ADGRV1: variants seen among roughly 807,000 people sequenced by gnomAD.
The protein encoded by ADGRV1 is adhesion G protein-coupled receptor V1.
In ADGRV1, 359 loss-of-function variants were observed where a neutral mutation model predicts 596.2. The observed-to-expected ratio is 0.60, with a 90% CI of 0.55 to 0.66. The LOEUF is 0.66. Among genes scored for constraint, ADGRV1 ranks in the 30% least tolerant of loss-of-function variants. The probability of loss-of-function intolerance (pLI) is 0.00; values close to 1 mark genes in which losing one functional copy is unlikely to be tolerated. For synonymous variants in ADGRV1, 2,681 were observed against 2,679.2 expected (o/e 1.00, Z -0.02); for missense variants, 7,274 against 7,575.6 (o/e 0.96, Z 1.48).
At position 90,815,747 on chromosome 5, in the gene ADGRV1, A is replaced by G; in HGVS notation, c.16196+11A>G. Reference sequence around the variant, plus strand: ...AAGACAGCCAAACAGGTATGTGTATATATAGTATATGGAAGACGTAACATT... The same window carrying G: ...AAGACAGCCAAACAGGTATGTGTATGTATAGTATATGGAAGACGTAACATT... On this transcript the variant is annotated intron_variant, in intron 75 of 89. Transcript: ENST00000405460. 2.3e-6 allele frequency: 3 copies of G among 1,300,234 alleles called. No individual in the cohort carries two copies. Among genetic ancestry groups the G allele is most frequent in the Non-Finnish European group, 3.3e-6 (3 of 915,834 alleles). 80.5% of individuals were successfully genotyped at this position (1,300,234 alleles called of 1,614,324 possible). A position where few individuals can be genotyped will look rare whatever the true frequency, so the allele number is the denominator to read the frequency against.
At chr5:91,060,129 A>G (rs1270936729) in intron 85 of ADGRV1, among the ~76,000 whole-genome samples, 1 of 152,156 alleles carries the variant, frequency 6.6e-6, no homozygotes, top group African/African-American at 2.4e-5. Flanking sequence ...CCTTAAAATG[A>G]TGGACATATA....
At chr5:90,957,456 C>G (rs1055721883) in intron 83 of ADGRV1, among the ~76,000 whole-genome samples, 1 of 150,778 alleles carries the variant, frequency 6.6e-6, no homozygotes, top group Non-Finnish European at 1.5e-5. Flanking sequence ...CAGAAGATGG[C>G]TTTTTAAAGA....
intron 1 of ADGRV1, among the ~76,000 whole-genome samples, chr5:90,583,656 A>G (rs1299613477): frequency 6.6e-6 from 1 of 152,150 alleles, no homozygotes; most frequent in Non-Finnish European, 1.5e-5. Context: ...GCCACAAAAA[A>G]CATCTAGGCC....
At chr5:90,753,894 A>C (rs1755542929) in intron 54 of ADGRV1, 65 bp downstream of exon 54, 2 of 1,395,290 alleles carry the variant, frequency 1.4e-6, no homozygotes, top group Non-Finnish European at 1.9e-6. Context: ...TAATTCTAAT[A>C]TTTATAAGGA....
rs572249281 is a variant in ADGRV1 at position 91,024,597 on chromosome 5, T to C, written c.18152+39075T>C. ...ATTCCTAATCCCTCAAAAATGCCCC[T>C]GATCGTAGGCATACTTCATAATGAA... On this transcript the variant is annotated intron_variant, in intron 85 of 89. Coordinates refer to ENST00000405460, the MANE Select transcript of ADGRV1 (RefSeq NM_032119.4). 2.6e-5 allele frequency among the ~76,000 whole-genome samples: 4 copies of C among 152,200 alleles called. No homozygotes were observed. In the East Asian group the frequency reaches 7.7e-4, roughly 29 times the overall value.
At chr5:90,728,539 T>C in intron 48 of ADGRV1, 130 bp from the exon 49 acceptor site, 1 of 798,638 alleles carries the variant, frequency 1.3e-6, no homozygotes, top group Admixed American at 2.4e-5. Flanking sequence ...TTTAGTATTT[T>C]CTTATTTATG....
chr5:90,910,617 C>T (rs1034153411), intron 83 of ADGRV1, among the ~76,000 whole-genome samples: 26 of 150,390 alleles, frequency 1.7e-4, no homozygotes, highest in African/African-American at 5.6e-4. Flanking sequence ...CCGCACACAC[C>T]TGTATGTATT....
intron 29 of ADGRV1, among the ~76,000 whole-genome samples, chr5:90,689,127 A>G (rs138189177): frequency 1.3e-5 from 2 of 152,266 alleles, no homozygotes; most frequent in East Asian, 3.9e-4. Flanking sequence ...ATTTAAAAAA[A>G]TAAATCATCT....
At chr5:90,786,365 G>A (rs1300872206) in intron 67 of ADGRV1, among the ~76,000 whole-genome samples, 2 of 152,178 alleles carry the variant, frequency 1.3e-5, no homozygotes, top group South Asian at 2.1e-4. Context: ...AAACCTGCAC[G>A]TTGTGCACAT....
Position 90,776,463 on chromosome 5 carries a change from A to T in ADGRV1, c.12414A>T (p.Ser4138=). Residue 4138 remains serine (S), a synonymous_variant, in exon 61 of 90, where the codon TCA becomes TCT. Coordinates refer to ENST00000405460, the MANE Select transcript of ADGRV1 (RefSeq NM_032119.4). ...TCATCTTGAATTTAGGTAGTGCATCAATAATTATTCGGGGTGATAAGCGAG... is the reference window on the plus strand; with the variant it reads ...TCATCTTGAATTTAGGTAGTGCATCTATAATTATTCGGGGTGATAAGCGAG... ...VEISPVKGSA[S]IIIRGDKRAS... is the part of the protein sequence containing the mutation. The T allele has an allele frequency of 1.2e-6, 2 of 1,612,054 alleles. No individual in the cohort carries two copies. The highest frequency in any genetic ancestry group is 2.7e-5 in the African/African-American group (2 of 74,990).
chr5:90,869,401 G>A lies in ADGRV1; in HGVS notation c.17856+5544G>A, dbSNP rs1393002053. ...TGTCTGAGAACCATGAGGAGTTACA[G>A]AGTCACCAATGGAGTTAGTCCAAAA... is the stretch of plus-strand genomic sequence containing the variant. On this transcript the variant is annotated intron_variant, in intron 83 of 89. Transcript: ENST00000405460. 3.9e-5 allele frequency among the ~76,000 whole-genome samples: 6 copies of A among 152,276 alleles called. No individual in the cohort carries two copies. In the East Asian group the frequency reaches 1.2e-3, roughly 29 times the overall value.
intron 6 of ADGRV1, 91 bp from the exon 7 acceptor site, chr5:90,627,120 T>A: frequency 6.1e-6 from 4 of 654,210 alleles, no homozygotes; most frequent in Non-Finnish European, 9.8e-6. Flanking sequence ...TCTATGTAAT[T>A]GTATTGAAAC....
intron 83 of ADGRV1, among the ~76,000 whole-genome samples, chr5:90,923,713 C>CTAAA (rs1774113329): frequency 3.9e-5 from 6 of 152,202 alleles, no homozygotes; most frequent in Non-Finnish European, 8.8e-5. Flanking sequence ...ATGTGCCATG[C>CTAAA]TGGTGCGCTG....
At chr5:90,596,525 C>T (rs1281443962) in intron 1 of ADGRV1, among the ~76,000 whole-genome samples, 2 of 152,144 alleles carry the variant, frequency 1.3e-5, no homozygotes, top group East Asian at 1.9e-4. Flanking sequence ...AACCAGACTC[C>T]GTCTGCAATC....
chr5:91,067,970 A>T (rs540884346), intron 85 of ADGRV1, among the ~76,000 whole-genome samples: 1 of 152,312 alleles, frequency 6.6e-6, no homozygotes, highest in African/African-American at 2.4e-5. Context: ...ATGTGGAAGA[A>T]TCAGGTCTTA....
At chr5:91,145,280 A>G (rs1410519900) in intron 87 of ADGRV1, among the ~76,000 whole-genome samples, 1 of 152,244 alleles carries the variant, frequency 6.6e-6, no homozygotes, top group Non-Finnish European at 1.5e-5. Flanking sequence ...AGATATAAAA[A>G]CAAACAAGAG....
intron 87 of ADGRV1, among the ~76,000 whole-genome samples, chr5:91,134,709 T>C (rs1448097300): frequency 6.6e-6 from 1 of 152,214 alleles, no homozygotes; most frequent in Non-Finnish European, 1.5e-5. Flanking sequence ...TTTCAGAGAA[T>C]ATGAAGATTT....
chr5:90,716,528 G>A lies in ADGRV1; in HGVS notation c.9246G>A (p.Glu3082=). 1.2e-6 allele frequency: 2 copies of A among 1,612,078 alleles called. No individual in the cohort carries two copies. Among genetic ancestry groups the A allele is most frequent in the South Asian group, 1.1e-5 (1 of 90,650 alleles). The change falls in exon 43 of 90, where the codon GAG becomes GAA. Residue 3082 remains glutamate, a synonymous_variant. Coordinates refer to ENST00000405460, the MANE Select transcript of ADGRV1 (RefSeq NM_032119.4). ...GPGVLSFNNS[E]HFFLREPTAL... ...GAGTTCTATCATTTAACAACAGTGA[G>A]CACTTTTTCCTAAGAGAGCCAACAG...
At chr5:91,147,821 T>G (rs1270905216) in intron 87 of ADGRV1, among the ~76,000 whole-genome samples, 4 of 152,132 alleles carry the variant, frequency 2.6e-5, no homozygotes, top group African/African-American at 9.7e-5. Flanking sequence ...TGGAACAGTT[T>G]GGAGGGCTCA....
Sources: allele counts gnomAD v4.1 joint callset (sites outside exome capture counted in the v4.1 genomes callset), GRCh38; gene constraint gnomAD v4.1.1; transcripts MANE v1.5; gene names NCBI Gene and HGNC (gene_info 2026-07-23, HGNC 2026-07-21).